HTR4: variants seen among roughly 807,000 people sequenced by gnomAD.
The protein encoded by HTR4 is 5-hydroxytryptamine receptor 4, also known as 5-hydroxytryptamine (serotonin) receptor 4, G protein-coupled.
HTR4 carries 16 observed loss-of-function variants against 36.8 expected under a neutral mutation model. That is an observed-to-expected ratio of 0.43 (90% CI 0.29 to 0.66). The LOEUF is 0.66. Among genes scored for constraint, HTR4 ranks in the 30% least tolerant of loss-of-function variants. HTR4 has a pLI of 0.13. For synonymous variants in HTR4, 189 were observed against 185.1 expected (o/e 1.02, Z -0.17); for missense variants, 438 against 490.9 (o/e 0.89, Z 1.02).
Position 148,562,204 on chromosome 5 carries a change from T to G in HTR4, c.27-11942A>C, listed in dbSNP as rs116555587. 9.2e-3 allele frequency among the ~76,000 whole-genome samples: 1,394 copies of G among 152,296 alleles called. 20 individuals are homozygous for G. The highest frequency in any genetic ancestry group is 0.031 in the African/African-American group (1,288 of 41,554). The stretch of plus-strand genomic sequence containing the variant: ...TCTAGCTGAGTTTACACTACAAAAG[T>G]AGAGCTGAGTAATTACGAGAGAGAT... On this transcript the variant is annotated intron_variant, in intron 2 of 6. Coordinates refer to ENST00000377888, the MANE Select transcript of HTR4 (RefSeq NM_000870.7).
chr5:148,531,483 G>C (rs1758564608), intron 4 of HTR4, among the ~76,000 whole-genome samples: 1 of 152,150 alleles, frequency 6.6e-6, no homozygotes, highest in Non-Finnish European at 1.5e-5. Flanking sequence ...GTCCTCCCTA[G>C]TCACGTAGAA....
intron 2 of HTR4, among the ~76,000 whole-genome samples, chr5:148,588,159 C>G (rs1248478207): frequency 6.6e-6 from 1 of 152,210 alleles, no homozygotes; most frequent in Non-Finnish European, 1.5e-5. Flanking sequence ...CCCTGCTGAA[C>G]CATCAGTCAG....
intron 2 of HTR4, among the ~76,000 whole-genome samples, chr5:148,626,591 T>G (rs1753117112): frequency 6.6e-6 from 1 of 152,216 alleles, no homozygotes; most frequent in South Asian, 2.1e-4. Context: ...ATAAGCTTCC[T>G]GAGTTCAGAT....
At chr5:148,487,765 G>A (rs564236220) in intron 6 of HTR4, among the ~76,000 whole-genome samples, 1 of 152,116 alleles carries the variant, frequency 6.6e-6, no homozygotes, top group Non-Finnish European at 1.5e-5. Flanking sequence ...AGACAGTAGA[G>A]AGAGCGAGCT....
At chr5:148,477,206 A>G (rs1755727426), downstream of HTR4, among the ~76,000 whole-genome samples, 1 of 152,184 alleles carries the variant, frequency 6.6e-6, no homozygotes, top group Non-Finnish European at 1.5e-5. Flanking sequence ...GAGAAAGTCT[A>G]CTGATTACAT....
chr5:148,573,532 G>T (rs1207724298), intron 2 of HTR4, among the ~76,000 whole-genome samples: 1 of 151,992 alleles, frequency 6.6e-6, no homozygotes, highest in Non-Finnish European at 1.5e-5. Context: ...ATAATGAAAT[G>T]TTCCAGCCTG....
chr5:148,520,992 G>C (rs779841693), intron 5 of HTR4: 1 of 1,367,584 alleles, frequency 7.3e-7, no homozygotes, highest in East Asian at 4.6e-5. Context: ...AGGACTAAGG[G>C]CTAAGAATGC....
chr5:148,531,900 T>C (rs1031785447), intron 4 of HTR4, among the ~76,000 whole-genome samples: 1 of 152,166 alleles, frequency 6.6e-6, no homozygotes, highest in South Asian at 2.1e-4. Flanking sequence ...CATTTGACAA[T>C]GTCTGGAGAC....
intron 2 of HTR4, among the ~76,000 whole-genome samples, chr5:148,550,958 C>A (rs1254920653): frequency 6.6e-6 from 1 of 152,200 alleles, no homozygotes; most frequent in Admixed American, 6.5e-5. Flanking sequence ...ATAAAACCTG[C>A]CACAGCCCCC....
rs56021250 is a variant in HTR4 at position 148,540,400 on chromosome 5, G to GTATATA, written c.353+8262_353+8267dup. Among the ~76,000 whole-genome samples the GTATATA allele has an allele frequency of 2.0e-3, 145 of 74,252 alleles. 1 individual carries two copies. Among genetic ancestry groups the GTATATA allele is most frequent in the African/African-American group, 2.4e-3 (37 of 15,108 alleles). 48.7% of individuals were successfully genotyped at this position (74,252 alleles called of 152,430 possible). The stretch of plus-strand genomic sequence containing the variant: ...ATTTTAGGTTTTATTTTATGTGTGT[G>GTATATA]TATATATATATATATATATATATAT... On this transcript the variant is annotated intron_variant, in intron 4 of 6. Coordinates refer to ENST00000377888, the MANE Select transcript of HTR4 (RefSeq NM_000870.7).
chr5:148,606,029 AG>A (rs1752148649), intron 2 of HTR4, among the ~76,000 whole-genome samples: 1 of 152,226 alleles, frequency 6.6e-6, no homozygotes, highest in Non-Finnish European at 1.5e-5. Flanking sequence ...GTAGAAGAGA[AG>A]TTCAACAGAT....
intron 5 of HTR4, among the ~76,000 whole-genome samples, chr5:148,457,955 A>AT (rs1755152644): frequency 7.4e-6 from 1 of 135,824 alleles, no homozygotes; most frequent in African/African-American, 2.7e-5. Flanking sequence ...TATATTAAAT[A>AT]TATATTAAAA....
At chr5:148,456,022 C>T (rs1004949037) in intron 5 of HTR4, among the ~76,000 whole-genome samples, 8 of 151,944 alleles carry the variant, frequency 5.3e-5, no homozygotes, top group Admixed American at 1.3e-4. Flanking sequence ...TTCAAACCCA[C>T]GTTGTTCAAG....
intron 5 of HTR4, among the ~76,000 whole-genome samples, chr5:148,451,900 T>C (rs552850252): frequency 6.6e-6 from 1 of 152,318 alleles, no homozygotes; most frequent in Admixed American, 6.5e-5. Context: ...TGCATCTCAA[T>C]TGCAGGCGAG....
At chr5:148,505,877 C>T (rs1407769984) in intron 6 of HTR4, among the ~76,000 whole-genome samples, 2 of 152,034 alleles carry the variant, frequency 1.3e-5, no homozygotes, top group South Asian at 2.1e-4. Context: ...TAAAAGAGGA[C>T]ACAAACAAAT....
At chr5:148,497,887 T>C (rs7709655) in intron 6 of HTR4, among the ~76,000 whole-genome samples, 8,078 of 152,316 alleles carry the variant, frequency 0.053, 674 homozygotes, top group African/African-American at 0.18. Context: ...TTAGAAGCTA[T>C]ATTTAGAAGA....
intron 2 of HTR4, among the ~76,000 whole-genome samples, chr5:148,551,066 A>T (rs1251723807): frequency 2.6e-5 from 4 of 152,058 alleles, no homozygotes; most frequent in Non-Finnish European, 5.9e-5. Flanking sequence ...GGGCCATAGT[A>T]TTGGCTTCTA....
At chr5:148,575,347 AC>A (rs138012927) in intron 2 of HTR4, among the ~76,000 whole-genome samples, 7,014 of 151,996 alleles carry the variant, frequency 0.046, 563 homozygotes, top group African/African-American at 0.16. Flanking sequence ...CTTTCTGCTC[AC>A]CCCCTCCCTT....
At position 148,595,954 on chromosome 5, in the gene HTR4, A is replaced by G. The variant is rs149449313; in HGVS notation, c.26+41035T>C. On this transcript the variant is annotated intron_variant, in intron 2 of 6. Coordinates refer to ENST00000377888, the MANE Select transcript of HTR4 (RefSeq NM_000870.7). The stretch of plus-strand genomic sequence containing the variant: ...TCTCCAACTTAGTTAAAAGTATCGT[A>G]CAGATGATCAGTTGCTTCAGACACC... Among the ~76,000 whole-genome samples the G allele has an allele frequency of 3.8e-4, 58 of 152,350 alleles. 2 individuals carry two copies. The East Asian group carries it at 0.011, about 28-fold the overall frequency.
Sources: allele counts gnomAD v4.1 joint callset (sites outside exome capture counted in the v4.1 genomes callset), GRCh38; gene constraint gnomAD v4.1.1; transcripts MANE v1.5; gene names NCBI Gene and HGNC (gene_info 2026-07-23, HGNC 2026-07-21).